MAP2K1: variants seen among roughly 807,000 people sequenced by gnomAD.
MAP2K1 encodes mitogen-activated protein kinase kinase 1.
A neutral mutation model predicts 46.3 loss-of-function variants in MAP2K1; 16 were observed. The observed-to-expected ratio is 0.35, with a 90% CI of 0.23 to 0.52. The LOEUF is 0.52. Ranked by LOEUF, MAP2K1 falls within the 20% of genes least tolerant of loss-of-function variation. MAP2K1 has a pLI of 0.94. For synonymous variants in MAP2K1, 183 were observed against 185.6 expected (o/e 0.99, Z 0.11); for missense variants, 263 against 497.1 (o/e 0.53, Z 4.48).
chr15:66,427,968 T>C (rs1193193430), intron 1 of MAP2K1, among the ~76,000 whole-genome samples: 1 of 152,000 alleles, frequency 6.6e-6, no homozygotes, highest in Admixed American at 6.6e-5. Context: ...AAACCGAGAT[T>C]GCGCCATTGC....
intron 1 of MAP2K1, among the ~76,000 whole-genome samples, chr15:66,421,496 T>C (rs1595853217): frequency 6.6e-6 from 1 of 151,854 alleles, no homozygotes; most frequent in East Asian, 1.9e-4. Flanking sequence ...ATAATATTCC[T>C]AATCCTAATT....
In MAP2K1 at chr15:66,448,158, A is replaced by C. The variant is rs76630436; in HGVS notation, c.568+3451A>C. 3.1e-3 allele frequency among the ~76,000 whole-genome samples: 332 copies of C among 107,684 alleles called. 1 individual carries two copies. Among genetic ancestry groups the C allele is most frequent in the Non-Finnish European group, 5.5e-3 (257 of 46,412 alleles). 70.6% of individuals were successfully genotyped at this position (107,684 alleles called of 152,430 possible). A position where few individuals can be genotyped will look rare whatever the true frequency, so the allele number is the denominator to read the frequency against. The stretch of plus-strand genomic sequence containing the variant: ...GCAGAGCAAGACTCCATCTCAAAAA[A>C]AAAAAAAAAAAAAAACCCACTATTT... On this transcript the variant is annotated intron_variant, in intron 5 of 10. Transcript: ENST00000307102.
intron 1 of MAP2K1, among the ~76,000 whole-genome samples, chr15:66,421,514 A>G (rs537955068): frequency 6.6e-6 from 1 of 150,750 alleles, no homozygotes; most frequent in Non-Finnish European, 1.5e-5. Context: ...ATTCTATACC[A>G]TTGTCGCTGG....
chr15:66,478,443 TA>T, intron 5 of MAP2K1, among the ~76,000 whole-genome samples: 1 of 130,210 alleles, frequency 7.7e-6, no homozygotes, highest in South Asian at 2.3e-4. Flanking sequence ...TACACACAGG[TA>T]TATATATATA....
intron 1 of MAP2K1, among the ~76,000 whole-genome samples, chr15:66,392,254 GGTTT>G (rs1331079046): frequency 4.0e-4 from 32 of 79,680 alleles, no homozygotes; most frequent in African/African-American, 1.4e-3. Context: ...GTTTTTTTTG[GGTTT>G]TTTTTTTTTT....
chr15:66,410,653 T>A (rs1350766388), intron 1 of MAP2K1, among the ~76,000 whole-genome samples: 1 of 152,178 alleles, frequency 6.6e-6, no homozygotes, highest in Admixed American at 6.5e-5. Flanking sequence ...GAAGTTCCAG[T>A]ATTCTACATT....
chr15:66,398,772 T>C (rs2093374221), intron 1 of MAP2K1, among the ~76,000 whole-genome samples: 1 of 80,456 alleles, frequency 1.2e-5, no homozygotes, highest in Non-Finnish European at 2.9e-5. Flanking sequence ...TTGCTAATTT[T>C]TTTTTTTTCT....
At chr15:66,454,422 G>A (rs1357405625) in intron 5 of MAP2K1, among the ~76,000 whole-genome samples, 1 of 152,144 alleles carries the variant, frequency 6.6e-6, no homozygotes, top group African/African-American at 2.4e-5. Context: ...CCTACCTAAA[G>A]GGTTGTATGC....
chr15:66,420,881 A>ATGTG (rs200428451), intron 1 of MAP2K1, among the ~76,000 whole-genome samples: 11 of 122,180 alleles, frequency 9.0e-5, no homozygotes, highest in African/African-American at 2.9e-4. Context: ...GTGTATATAT[A>ATGTG]TGTGTATATA....
chr15:66,442,027 C>T (rs1045353228), intron 3 of MAP2K1, among the ~76,000 whole-genome samples: 7 of 152,296 alleles, frequency 4.6e-5, no homozygotes, highest in Non-Finnish European at 8.8e-5. Flanking sequence ...AACCCCTTAA[C>T]GGGAGCCCCT....
chr15:66,470,168 T>C (rs1363512046), intron 5 of MAP2K1, among the ~76,000 whole-genome samples: 2 of 148,134 alleles, frequency 1.4e-5, no homozygotes, highest in Non-Finnish European at 3.0e-5. Flanking sequence ...TTTGGAACTT[T>C]CCTTCAAATT....
rs1247496617 is a variant in MAP2K1, at chr15:66,414,201, T to TTTGCTAGAG, written c.81-20826_81-20825insTTGCTAGAG. On this transcript the variant is annotated intron_variant, in intron 1 of 10. Transcript: ENST00000307102. Reference sequence around the variant, plus strand: ...GACCTCTCATGCTAACTACCCAGAGTCAGGCAGACCTCATAGGTTAAACAC... The same window carrying TTTGCTAGAG: ...GACCTCTCATGCTAACTACCCAGAGTTTGCTAGAGCAGGCAGACCTCATAGGTTAAACAC... Among the ~76,000 whole-genome samples, 88 of 149,202 alleles carry TTTGCTAGAG rather than the reference T, an allele frequency of 5.9e-4. 12 individuals are homozygous for TTTGCTAGAG. Among genetic ancestry groups the TTTGCTAGAG allele is most frequent in the Admixed American group, 7.4e-4 (11 of 14,850 alleles).
chr15:66,468,028 C>G (rs1283515587), intron 5 of MAP2K1, among the ~76,000 whole-genome samples: 1 of 152,210 alleles, frequency 6.6e-6, no homozygotes. Context: ...TCTAATAGTA[C>G]TTTACCAACA....
At chr15:66,420,750 T>TGC (rs2093436727) in intron 1 of MAP2K1, among the ~76,000 whole-genome samples, 1 of 54,928 alleles carries the variant, frequency 1.8e-5, no homozygotes, top group African/African-American at 5.4e-5. Context: ...TGTGTGTGTG[T>TGC]GTGTGTGTGT....
chr15:66,481,266 G>T (rs1335837443), intron 5 of MAP2K1, among the ~76,000 whole-genome samples: 1 of 152,160 alleles, frequency 6.6e-6, no homozygotes, highest in Admixed American at 6.5e-5. Flanking sequence ...CATGCTCCAT[G>T]CCTGGTGCAG....
chr15:66,410,882 T>C (rs1291098283), intron 1 of MAP2K1, among the ~76,000 whole-genome samples: 1 of 152,152 alleles, frequency 6.6e-6, no homozygotes, highest in East Asian at 1.9e-4. Flanking sequence ...ACTAGCTACA[T>C]TGTAAGCTTC....
intron 6 of MAP2K1, among the ~76,000 whole-genome samples, chr15:66,484,528 T>G (rs1197643808): frequency 6.6e-6 from 1 of 152,188 alleles, no homozygotes; most frequent in Non-Finnish European, 1.5e-5. Context: ...GATTTAAGTC[T>G]CAGGCCCACT....
chr15:66,481,705 C>T, intron 5 of MAP2K1, 50 bp from the exon 6 acceptor site: 4 of 1,602,832 alleles, frequency 2.5e-6, no homozygotes, highest in Non-Finnish European at 2.6e-6. Flanking sequence ...CTTCTCTTCC[C>T]CAATCTACCT....
At chr15:66,489,810 GTTC>G (rs773224246) in intron 10 of MAP2K1, 47 bp downstream of exon 10, 10 of 1,476,794 alleles carry the variant, frequency 6.8e-6, no homozygotes, top group South Asian at 2.3e-5. Context: ...TTATTCATTT[GTTC>G]TTCTCTGTCA....
Sources: gnomAD v4.1 joint callset for allele counts (sites outside exome capture counted in the v4.1 genomes callset) on GRCh38, gnomAD v4.1.1 for gene constraint, MANE v1.5 for transcripts, NCBI Gene and HGNC (gene_info 2026-07-23, HGNC 2026-07-21) for gene names.